RERE: variants seen among roughly 807,000 people sequenced by gnomAD.
RERE encodes arginine-glutamic acid dipeptide repeats protein.
In RERE, 40 loss-of-function variants were observed where a neutral mutation model predicts 146.1. The ratio of observed to expected loss-of-function variants is 0.27; its 90% confidence interval spans 0.21 to 0.36. The LOEUF (loss-of-function observed/expected upper bound fraction) is 0.36. Among genes scored for constraint, RERE ranks in the 10% least tolerant of loss-of-function variants. The pLI is 1.00. For missense variants in RERE, 1,933 were observed against 2,138.7 expected (o/e 0.90, Z 1.90); for synonymous variants, 1,003 against 866.0 (o/e 1.16, Z -2.78).
At chr1:8,465,462 G>A in intron 11 of RERE, 1 of 329,006 alleles carries the variant, frequency 3.0e-6, no homozygotes, top group Non-Finnish European at 6.0e-6. Context: ...TGGGGCAAGA[G>A]GACTGATGGA....
chr1:8,446,860 T>C (rs1644328060), intron 11 of RERE, among the ~76,000 whole-genome samples: 1 of 151,818 alleles, frequency 6.6e-6, no homozygotes, highest in African/African-American at 2.4e-5. Context: ...TTTGTATTTT[T>C]AGTAGAGACG....
intron 4 of RERE, among the ~76,000 whole-genome samples, chr1:8,568,392 G>T (rs1003765366): frequency 3.3e-5 from 5 of 152,158 alleles, no homozygotes; most frequent in South Asian, 4.1e-4. Flanking sequence ...GCCTGCGATG[G>T]TCTAAATGTT....
At position 8,530,679 on chromosome 1, in the gene RERE, C is replaced by CTTTTTTTT. The variant is rs1197212764; in HGVS notation, c.830+10527_830+10534dup. 1.6e-3 allele frequency among the ~76,000 whole-genome samples: 158 copies of CTTTTTTTT among 96,934 alleles called. 2 individuals are homozygous for CTTTTTTTT. Among genetic ancestry groups the CTTTTTTTT allele is most frequent in the African/African-American group, 3.0e-3 (75 of 24,822 alleles). 63.6% of individuals were successfully genotyped at this position (96,934 alleles called of 152,430 possible). A position where few individuals can be genotyped will look rare whatever the true frequency, so the allele number is the denominator to read the frequency against. ...AGACATGGAACTGAGTTTTCGTTTTCTTTTTTTTTTTTTTTTTTTTTTTGA... is the reference window on the plus strand; with the variant it reads ...AGACATGGAACTGAGTTTTCGTTTTCTTTTTTTTTTTTTTTTTTTTTTTTTTTTTTTGA... On this transcript the variant is annotated intron_variant, in intron 7 of 22. Coordinates refer to ENST00000400908, the MANE Select transcript of RERE (RefSeq NM_001042681.2).
intron 12 of RERE, among the ~76,000 whole-genome samples, chr1:8,385,725 C>G (rs1192313298): frequency 2.0e-5 from 3 of 151,226 alleles, no homozygotes; most frequent in Non-Finnish European, 2.9e-5. Flanking sequence ...AAGAAAACAC[C>G]ACTTTGGCGG....
At chr1:8,816,715 T>C (rs1215094407) in intron 1 of RERE, among the ~76,000 whole-genome samples, 1 of 152,090 alleles carries the variant, frequency 6.6e-6, no homozygotes, top group Non-Finnish European at 1.5e-5. Context: ...AGCTGAGAAC[T>C]AGAGATTGGG....
chr1:8,441,687 A>G (rs2124494010), intron 11 of RERE, among the ~76,000 whole-genome samples: 1 of 152,360 alleles, frequency 6.6e-6, no homozygotes, highest in South Asian at 2.1e-4. Context: ...TAACTGAGTG[A>G]CACTGTAACA....
intron 3 of RERE, among the ~76,000 whole-genome samples, chr1:8,620,926 C>T (rs1570524745): frequency 1.3e-5 from 2 of 151,968 alleles, no homozygotes; most frequent in Admixed American, 6.5e-5. Flanking sequence ...TAATAGAATA[C>T]ATAATTCCTA....
In RERE at chr1:8,678,648, T is replaced by C. The variant is rs536016339; in HGVS notation, c.-144-22207A>G. Among the ~76,000 whole-genome samples the C allele has an allele frequency of 4.8e-5, 7 of 144,860 alleles. No homozygotes were observed. The South Asian group carries it at 1.3e-3, about 26-fold the overall frequency. On this transcript the variant is annotated intron_variant, in intron 1 of 22. Transcript: ENST00000400908. ...AGGCGGAGGTTGCAGTGAGCCGAGA[T>C]CGTACCACTGCACTCTAGCCTGGGC... is the stretch of plus-strand genomic sequence containing the variant.
intron 1 of RERE, among the ~76,000 whole-genome samples, chr1:8,759,838 T>TACACACACACACAC (rs369646175): frequency 3.5e-4 from 50 of 142,230 alleles, no homozygotes; most frequent in African/African-American, 9.9e-4. Context: ...ACTCTCTCTA[T>TACACACACACACAC]ACACACACAC....
intron 7 of RERE, chr1:8,512,025 T>TTTTTTTTTTC (rs1645345822): frequency 1.2e-5 from 1 of 84,708 alleles, no homozygotes; most frequent in Non-Finnish European, 2.3e-5. Context: ...TTTTTTTTTT[T>TTTTTTTTTTC]TTTTTTTTTT....
At chr1:8,585,368 A>G (rs937000072) in intron 4 of RERE, among the ~76,000 whole-genome samples, 4 of 152,200 alleles carry the variant, frequency 2.6e-5, no homozygotes, top group Non-Finnish European at 5.9e-5. Context: ...CTCCAATTAT[A>G]GATATTTTAA....
intron 1 of RERE, among the ~76,000 whole-genome samples, chr1:8,808,887 C>A (rs1641739043): frequency 6.6e-6 from 1 of 152,090 alleles, no homozygotes; most frequent in Non-Finnish European, 1.5e-5. Flanking sequence ...CCTGTAATCC[C>A]AGCACTTTGG....
chr1:8,583,029 C>G (rs1646386951), intron 4 of RERE, among the ~76,000 whole-genome samples: 1 of 152,158 alleles, frequency 6.6e-6, no homozygotes, highest in African/African-American at 2.4e-5. Context: ...TCTGTCTGAT[C>G]TTGTCTTCAG....
intron 11 of RERE, among the ~76,000 whole-genome samples, chr1:8,453,589 T>A (rs1245598904): frequency 6.6e-6 from 1 of 152,172 alleles, no homozygotes; most frequent in African/African-American, 2.4e-5. Context: ...GCAGATCATT[T>A]GAGGTTAGGA....
intron 12 of RERE, among the ~76,000 whole-genome samples, chr1:8,376,947 T>A (rs1489630130): frequency 6.6e-6 from 1 of 152,252 alleles, no homozygotes; most frequent in Non-Finnish European, 1.5e-5. Context: ...TTAAAAAAAA[T>A]TATATTCATT....
At chr1:8,656,540 TA>T in intron 1 of RERE, 99 bp from the exon 2 acceptor site, 1 of 506,042 alleles carries the variant, frequency 2.0e-6, no homozygotes, top group Non-Finnish European at 3.3e-6. Flanking sequence ...GCTTTACACC[TA>T]AAAACTTCGC....
At chr1:8,372,237 G>A (rs1196079938) in intron 12 of RERE, among the ~76,000 whole-genome samples, 1 of 152,156 alleles carries the variant, frequency 6.6e-6, no homozygotes, top group African/African-American at 2.4e-5. Flanking sequence ...CCCGAGCCCA[G>A]CATGAACTGC....
intron 8 of RERE, among the ~76,000 whole-genome samples, chr1:8,508,365 A>G (rs1163137546): frequency 1.3e-5 from 2 of 152,210 alleles, no homozygotes; most frequent in Non-Finnish European, 2.9e-5. Context: ...TCAGTTTTGC[A>G]AGATAGAAAG....
intron 11 of RERE, chr1:8,429,904 G>C (rs148142512): frequency 2.7e-4 from 41 of 152,504 alleles, no homozygotes; most frequent in African/African-American, 8.9e-4. Context: ...TGGGTAAGAG[G>C]AACAGACCCA....
Sources: allele counts gnomAD v4.1 joint callset (sites outside exome capture counted in the v4.1 genomes callset), GRCh38; gene constraint gnomAD v4.1.1; transcripts MANE v1.5; gene names NCBI Gene and HGNC (gene_info 2026-07-23, HGNC 2026-07-21).